The following DZIP1L variants were observed in gnomAD, a reference collection of about 807,000 sequenced individuals.
DZIP1L encodes the protein DAZ interacting zinc finger protein 1 like.
In DZIP1L, 90 loss-of-function variants were observed where a neutral mutation model predicts 88.7. That is an observed-to-expected ratio of 1.02 (90% CI 0.86 to 1.21). DZIP1L has a LOEUF of 1.21. DZIP1L is among the 50% of genes most tolerant of loss of function. The pLI is 0.00. For synonymous variants in DZIP1L, 363 were observed against 372.1 expected (o/e 0.98, Z 0.28); for missense variants, 932 against 955.8 (o/e 0.98, Z 0.33).
chr3:138,081,051 C>A (rs1332829332), intron 9 of DZIP1L, among the ~76,000 whole-genome samples: 1 of 152,142 alleles, frequency 6.6e-6, no homozygotes, highest in Non-Finnish European at 1.5e-5. Flanking sequence ...TCTGAACTGG[C>A]TACACGGCTG....
chr3:138,097,574 G>A (rs1295998858), intron 3 of DZIP1L, among the ~76,000 whole-genome samples, 189 bp downstream of exon 3: 4 of 152,190 alleles, frequency 2.6e-5, no homozygotes, highest in South Asian at 4.1e-4. Context: ...TTCTTTACAC[G>A]TGGGGTCAGA....
At chr3:138,089,542 A>C (rs1944105548) in intron 5 of DZIP1L, among the ~76,000 whole-genome samples, 1 of 152,200 alleles carries the variant, frequency 6.6e-6, no homozygotes. Flanking sequence ...AGGAAAAAAT[A>C]TTTTCAATAT....
chr3:138,081,664 G>A (rs1943657761), intron 9 of DZIP1L, 70 bp downstream of exon 9: 8 of 1,502,998 alleles, frequency 5.3e-6, no homozygotes, highest in South Asian at 1.3e-5. Context: ...CTGGGGGAGA[G>A]GGAAAAGGAG....
chr3:138,081,928 C>T, intron 8 of DZIP1L, 164 bp from the exon 9 acceptor site: 1 of 562,800 alleles, frequency 1.8e-6, no homozygotes, highest in Non-Finnish European at 3.0e-6. Flanking sequence ...AGCCCCCTGA[C>T]ACATCTCTGG....
At chr3:138,101,951 C>G in intron 2 of DZIP1L, 5 of 1,535,990 alleles carry the variant, frequency 3.3e-6, no homozygotes, top group Non-Finnish European at 4.5e-6. Flanking sequence ...CTTTGAGGCC[C>G]TCAATCTCAG....
At chr3:138,070,215 G>T (rs1289333474) in intron 12 of DZIP1L, among the ~76,000 whole-genome samples, 1 of 152,204 alleles carries the variant, frequency 6.6e-6, no homozygotes, top group Non-Finnish European at 1.5e-5. Flanking sequence ...GATTTCCCAG[G>T]TGAGGTGGAA....
chr3:138,080,520 A>T (rs1263167545), intron 10 of DZIP1L, 47 bp downstream of exon 10: 4 of 1,604,264 alleles, frequency 2.5e-6, no homozygotes, highest in Non-Finnish European at 3.4e-6. Context: ...GGAGGGCAGC[A>T]AATCTGTTTC....
In DZIP1L at chr3:138,077,561, G is replaced by C; in HGVS notation, c.1360C>G (p.His454Asp). Residue 454 changes from histidine to aspartate, a missense_variant, in exon 11 of 16, where the codon CAC becomes GAC. By Grantham distance (81) the His-to-Asp change is moderately conservative. Transcript: ENST00000327532. ...GTGTCCTCCAGGATTGGTCTGAAGT[G>C]CTTCAGCAAAGTGGGGTTACGCCTC... ...ALRRNPTLLKHFRPILEDTLE... is the reference protein window; with the variant it reads ...ALRRNPTLLKDFRPILEDTLE... 6.2e-7 allele frequency: 1 copy of C among 1,614,188 alleles called. No homozygotes were observed.
intron 4 of DZIP1L, among the ~76,000 whole-genome samples, chr3:138,092,827 A>C (rs1425984257): frequency 6.6e-6 from 1 of 152,214 alleles, no homozygotes; most frequent in Non-Finnish European, 1.5e-5. Flanking sequence ...ATGAGGTTGC[A>C]GCAATTCAGT....
intron 2 of DZIP1L, among the ~76,000 whole-genome samples, chr3:138,098,570 T>C (rs1005190558): frequency 1.3e-5 from 2 of 152,244 alleles, no homozygotes; most frequent in Admixed American, 1.3e-4. Context: ...AGTTAATCCA[T>C]AGGCAGATTA....
At chr3:138,092,333 T>A in intron 5 of DZIP1L, 50 bp downstream of exon 5, 1 of 1,471,656 alleles carries the variant, frequency 6.8e-7, no homozygotes, top group Non-Finnish European at 9.0e-7. Flanking sequence ...ATTTTGAGAA[T>A]AAGCAGATTT....
rs1461890576 is a variant in DZIP1L at position 138,094,806 on chromosome 3, G to A, written c.708+56C>T. On this transcript the variant is annotated intron_variant, in intron 4 of 15. Coordinates refer to ENST00000327532, the MANE Select transcript of DZIP1L (RefSeq NM_173543.3). Reference sequence around the variant, plus strand: ...CCCTGTGGGATTCATGTGCATCAAGGGTCTCCTGGGTAGTCCATGACCCAA... The same window carrying A: ...CCCTGTGGGATTCATGTGCATCAAGAGTCTCCTGGGTAGTCCATGACCCAA... The A allele has an allele frequency of 3.1e-6, 5 of 1,605,398 alleles. No individual in the cohort carries two copies. In the African/African-American group the frequency reaches 4.0e-5, roughly 13 times the overall value.
At chr3:138,078,588 C>T (rs957556985) in intron 10 of DZIP1L, among the ~76,000 whole-genome samples, 4 of 152,208 alleles carry the variant, frequency 2.6e-5, no homozygotes, top group African/African-American at 9.7e-5. Context: ...TAACTGTGAG[C>T]CAAAGCATCA....
In DZIP1L at chr3:138,103,709, C is replaced by G. The variant is rs199536207; in HGVS notation, c.263G>C (p.Arg88Pro). Residue 88 changes from arginine (R) to proline (P), a missense_variant, in exon 2 of 16, where the codon CGC (arginine) becomes CCC (proline). By Grantham distance (103) the Arg-to-Pro change is moderately radical. Transcript: ENST00000327532. The stretch of plus-strand genomic sequence containing the variant: ...GTACTCAATGATGAGCTGCGCCAGG[C>G]GCAGCACCTTGAGCAGTGCCGGGTC... ...PVDPALLKVLRLAQLIIEYLL... is the reference protein window; with the variant it reads ...PVDPALLKVLPLAQLIIEYLL... The G allele has an allele frequency of 6.2e-7, 1 of 1,613,020 alleles. No individual in the cohort carries two copies. Among genetic ancestry groups the G allele is most frequent in the Non-Finnish European group, 8.5e-7 (1 of 1,179,996 alleles).
intron 11 of DZIP1L, among the ~76,000 whole-genome samples, chr3:138,075,419 C>T (rs1041237951): frequency 2.6e-5 from 4 of 152,196 alleles, no homozygotes; most frequent in African/African-American, 9.6e-5. Flanking sequence ...AAACAAGTCT[C>T]AGTAAACTTA....
At chr3:138,100,940 T>G (rs1204792226) in intron 2 of DZIP1L, among the ~76,000 whole-genome samples, 1 of 152,192 alleles carries the variant, frequency 6.6e-6, no homozygotes, top group East Asian at 1.9e-4. Flanking sequence ...GGAGTCAGTA[T>G]TCCAGAATAG....
At chr3:138,097,873 G>A (rs765653364) in intron 2 of DZIP1L, 26 bp from the exon 3 acceptor site, 64 of 1,594,508 alleles carry the variant, frequency 4.0e-5, no homozygotes, top group Non-Finnish European at 2.7e-5. Flanking sequence ...GCAATGGGGA[G>A]TACAAGATTA....
intron 1 of DZIP1L, chr3:138,108,119 G>C: frequency 1.2e-6 from 1 of 806,724 alleles, no homozygotes; most frequent in Non-Finnish European, 1.5e-6. Context: ...AAGTAGCTGG[G>C]ACTACAGGTG....
At position 138,067,558 on chromosome 3, in the gene DZIP1L, T is replaced by C. The variant is rs1011282093; in HGVS notation, c.1975A>G (p.Asn659Asp). ...GAGCCCTGGCCAGGGGGCTGGGCAT[T>C]CTCCTCCGAGGTCTCTGTGTCAGAC... The part of the protein sequence containing the change: ...DWSDTETSEE[N>D]AQPPGQGSGT... Residue 659 changes from asparagine (N) to aspartate (D), a missense_variant, in exon 14 of 16, where the codon AAT becomes GAT. Physicochemically the swap from Asn to Asp is conservative, Grantham distance 23 (BLOSUM62 1). Transcript: ENST00000327532. 9 of 1,607,984 alleles carry C rather than the reference T, an allele frequency of 5.6e-6. No homozygotes were observed. The African/African-American group carries it at 1.1e-4, about 19-fold the overall frequency.
Sources: gnomAD v4.1 joint callset for allele counts (sites outside exome capture counted in the v4.1 genomes callset) on GRCh38, gnomAD v4.1.1 for gene constraint, MANE v1.5 for transcripts, NCBI Gene and HGNC (gene_info 2026-07-23, HGNC 2026-07-21) for gene names.